MGST1: variants seen among roughly 807,000 people sequenced by gnomAD.
MGST1 encodes microsomal glutathione S-transferase 1, also known as glutathione S-transferase 12.
Under a neutral mutation model 8.9 loss-of-function variants are expected in MGST1, and 5 were observed. That is an observed-to-expected ratio of 0.56 (90% confidence interval 0.29 to 1.19). MGST1 has a LOEUF of 1.19. Ranked by LOEUF, MGST1 falls within the 50% of genes most tolerant of loss-of-function variation. The pLI is 0.08. For missense variants in MGST1, 182 were observed against 187.4 expected, an observed-to-expected ratio of 0.97 and a Z score of 0.17; for synonymous variants, 54 against 67.8, an observed-to-expected ratio of 0.80 and a Z score of 1.00.
At chr12:16,423,168 G>A (rs545660119) in intron 1 of MGST1, among the ~76,000 whole-genome samples, 1 of 152,230 alleles carries the variant, frequency 6.6e-6, no homozygotes, top group African/African-American at 2.4e-5. Flanking sequence ...GACTTTAATT[G>A]CCTAATGTGA....
At chr12:16,392,527 T>C (rs1940561855) in intron 1 of MGST1, among the ~76,000 whole-genome samples, 1 of 152,224 alleles carries the variant, frequency 6.6e-6, no homozygotes. Flanking sequence ...AGTTTCATTT[T>C]TCTCCCAGTA....
At chr12:16,386,372 G>A (rs1419113709) in intron 1 of MGST1, among the ~76,000 whole-genome samples, 1 of 152,168 alleles carries the variant, frequency 6.6e-6, no homozygotes. Flanking sequence ...CTAGGACTCG[G>A]CACAACTTAG....
downstream of MGST1, among the ~76,000 whole-genome samples, chr12:16,378,121 C>G (rs2137035542): frequency 6.6e-6 from 1 of 152,190 alleles, no homozygotes; most frequent in South Asian, 2.1e-4. Context: ...ATGGTATTTT[C>G]TTTTGCTGTG....
At chr12:16,464,551 A>G (rs942215948) in intron 4 of MGST1, among the ~76,000 whole-genome samples, 2 of 152,244 alleles carry the variant, frequency 1.3e-5, no homozygotes, top group Admixed American at 6.5e-5. Context: ...CAAGCTATTA[A>G]TTGTTGAAAT....
rs936510540 is a variant in MGST1, at chr12:16,410,281, T to A, written n.778+26677T>A. Among the ~76,000 whole-genome samples, 2 of 152,170 alleles carry A rather than the reference T, an allele frequency of 1.3e-5. No homozygotes were observed. The highest frequency in any genetic ancestry group is 2.9e-5 in the Non-Finnish European group (2 of 68,032). On this transcript the variant is annotated intron_variant and non_coding_transcript_variant, in intron 1 of 1. Transcript: ENST00000359720. This position sits in a 1 kb window ranked among gnomAD's most constrained non-coding sequence, Gnocchi z 4.4. ...AAATCTATCATTTTAATTATTTTAATGGAAGGGTTGAATCTACCGTTTTAC... is the reference window on the plus strand; with the variant it reads ...AAATCTATCATTTTAATTATTTTAAAGGAAGGGTTGAATCTACCGTTTTAC...
rs577926469 is a variant in MGST1, at chr12:16,525,390, G to A, written n.483-64138G>A. ...TTCCCACCTATGAGTGAGAATATGC[G>A]GTGTTTGGTTTTTTGTTCTTGCGAT... On this transcript the variant is annotated intron_variant and non_coding_transcript_variant, in intron 4 of 4. Coordinates refer to the MGST1 transcript ENST00000538857. 1.5e-4 allele frequency among the ~76,000 whole-genome samples: 23 copies of A among 150,154 alleles called. No homozygotes were observed. The East Asian group carries it at 1.8e-3, about 12-fold the overall frequency.
In MGST1 at chr12:16,513,922, T is replaced by C; in HGVS notation, n.483-75606T>C. 1 of 570,144 alleles carries C rather than the reference T, an allele frequency of 1.8e-6. No individual in the cohort carries two copies. Among genetic ancestry groups the C allele is most frequent in the Non-Finnish European group, 3.4e-6 (1 of 295,702 alleles). 35.3% of individuals were successfully genotyped at this position (570,144 alleles called of 1,614,324 possible). A position where few individuals can be genotyped will look rare whatever the true frequency, so the allele number is the denominator to read the frequency against. On this transcript the variant is annotated intron_variant and non_coding_transcript_variant, in intron 4 of 4. Coordinates refer to the MGST1 transcript ENST00000538857. This position sits in a 1 kb window ranked among gnomAD's most constrained non-coding sequence, Gnocchi z 4.2. ...TGGCATGCAGCTACAAGGTTATCGA[T>C]ACTATGACCGCAAGACTTGCGGTTT...
Position 16,548,021 on chromosome 12 carries a change from T to C in MGST1, n.483-41507T>C, listed in dbSNP as rs1787747116. On this transcript the variant is annotated intron_variant and non_coding_transcript_variant, in intron 4 of 4. Coordinates refer to the MGST1 transcript ENST00000538857. The surrounding 1 kb of genome is among the most constrained non-coding windows in gnomAD (Gnocchi z 4.2). Reference sequence around the variant, plus strand: ...TAAAAATGTAGAATTGAGTTTCCTGTTTTAATTCATTATACAGAATAGAAA... The same window carrying C: ...TAAAAATGTAGAATTGAGTTTCCTGCTTTAATTCATTATACAGAATAGAAA... 6.6e-6 allele frequency among the ~76,000 whole-genome samples: 1 copy of C among 152,184 alleles called. No homozygotes were observed.
At chr12:16,578,217 T>C (rs754585305) in intron 4 of MGST1, among the ~76,000 whole-genome samples, 17 of 152,222 alleles carry the variant, frequency 1.1e-4, no homozygotes, top group Non-Finnish European at 2.2e-4. Flanking sequence ...ACTGCAATTT[T>C]CTCAAATTCA....
intron 1 of MGST1, chr12:16,350,810 G>A (rs1939426539): frequency 6.6e-6 from 1 of 152,254 alleles, no homozygotes; most frequent in Admixed American, 6.5e-5. Flanking sequence ...GTGTGTGTCA[G>A]ATGCTTGGTG....
chr12:16,411,733 CT>C (rs1351800143), intron 1 of MGST1, among the ~76,000 whole-genome samples: 1 of 152,064 alleles, frequency 6.6e-6, no homozygotes, highest in East Asian at 1.9e-4. Context: ...ATGATGTATT[CT>C]CTATGATAAT....
At chr12:16,390,732 C>T (rs933024628) in intron 1 of MGST1, among the ~76,000 whole-genome samples, 5 of 152,090 alleles carry the variant, frequency 3.3e-5, no homozygotes, top group African/African-American at 1.2e-4. Flanking sequence ...TAGGTTGATT[C>T]CCTGTCATTG....
At chr12:16,477,253 T>G (rs973442501) in intron 4 of MGST1, among the ~76,000 whole-genome samples, 1 of 152,162 alleles carries the variant, frequency 6.6e-6, no homozygotes, top group African/African-American at 2.4e-5. Flanking sequence ...TTTCTGAGTG[T>G]AAGATAAAAT....
At chr12:16,417,625 GC>G (rs1190564202) in intron 1 of MGST1, among the ~76,000 whole-genome samples, 1 of 152,106 alleles carries the variant, frequency 6.6e-6, no homozygotes, top group Non-Finnish European at 1.5e-5. Context: ...CTTTCTAGAA[GC>G]AATATTGCTT....
At chr12:16,427,128 C>T (rs573334849) in intron 1 of MGST1, among the ~76,000 whole-genome samples, 2 of 152,054 alleles carry the variant, frequency 1.3e-5, no homozygotes, top group African/African-American at 4.8e-5. Context: ...AGACTTTAAA[C>T]AATTGTTTAC....
downstream of MGST1, among the ~76,000 whole-genome samples, chr12:16,365,745 A>G (rs879873013): frequency 3.0e-4 from 32 of 107,760 alleles, no homozygotes; most frequent in Non-Finnish European, 4.0e-4. Flanking sequence ...GTGCACGCGC[A>G]CACACACACA....
At position 16,553,210 on chromosome 12, in the gene MGST1, G is replaced by A. The variant is rs184009809; in HGVS notation, n.483-36318G>A. Among the ~76,000 whole-genome samples, 8 of 152,176 alleles carry A rather than the reference G, an allele frequency of 5.3e-5. No individual in the cohort carries two copies. The East Asian group carries it at 7.7e-4, about 15-fold the overall frequency. On this transcript the variant is annotated intron_variant and non_coding_transcript_variant, in intron 4 of 4. Coordinates refer to the MGST1 transcript ENST00000538857. ...TTACAGAAGAAAAACCTAAGACTCC[G>A]TGCCAGAATTTCAAAGCCCTGCCCA...
intron 4 of MGST1, among the ~76,000 whole-genome samples, chr12:16,543,023 A>C (rs1941801445): frequency 6.6e-6 from 1 of 152,162 alleles, no homozygotes; most frequent in Non-Finnish European, 1.5e-5. Context: ...GTGCTCCCCC[A>C]GTGCTTTGTA....
intron 4 of MGST1, among the ~76,000 whole-genome samples, chr12:16,533,276 G>A (rs188267283): frequency 2.4e-4 from 37 of 152,250 alleles, no homozygotes; most frequent in Admixed American, 2.1e-3. Context: ...AAATGTTAAA[G>A]GTGAGGCTGT....
Sources: gnomAD v4.1 joint callset for allele counts (sites outside exome capture counted in the v4.1 genomes callset) on GRCh38, gnomAD v4.1.1 for gene constraint, Gnocchi (gnomAD v3.1) non-coding constraint, MANE v1.5 for transcripts, NCBI Gene and HGNC (gene_info 2026-07-23, HGNC 2026-07-21) for gene names.